The following PPP6C variants were observed in gnomAD, a reference collection of about 807,000 sequenced individuals.
PPP6C encodes the protein serine/threonine-protein phosphatase 6 catalytic subunit.
PPP6C carries 11 observed loss-of-function variants against 39.8 expected under a neutral mutation model. That is an observed-to-expected ratio of 0.28 (90% CI 0.17 to 0.46). The LOEUF is 0.46. Ranked by LOEUF, PPP6C falls within the 20% of genes least tolerant of loss-of-function variation. The pLI is 1.00. For missense variants in PPP6C, 211 were observed against 373.9 expected (o/e 0.56, Z 3.59); for synonymous variants, 129 against 130.3 (o/e 0.99, Z 0.07).
intron 2 of PPP6C, among the ~76,000 whole-genome samples, chr9:125,165,985 C>G (rs770876694): frequency 5.9e-5 from 9 of 151,832 alleles, no homozygotes; most frequent in Non-Finnish European, 1.0e-4. Context: ...TTAGTAGAGA[C>G]AGGGTTTCAC....
At chr9:125,177,330 C>T (rs537476383) in intron 1 of PPP6C, among the ~76,000 whole-genome samples, 12 of 151,870 alleles carry the variant, frequency 7.9e-5, no homozygotes, top group East Asian at 1.9e-4. Context: ...GCAGAGATGG[C>T]GCCACTGCAC....
chr9:125,170,704 G>A (rs1352794724), intron 2 of PPP6C, among the ~76,000 whole-genome samples: 1 of 152,064 alleles, frequency 6.6e-6, no homozygotes, highest in Non-Finnish European at 1.5e-5. Context: ...AACAATATAT[G>A]ACAGGAGAAC....
intron 2 of PPP6C, among the ~76,000 whole-genome samples, chr9:125,169,652 A>G (rs1034460861): frequency 3.2e-4 from 49 of 152,240 alleles, no homozygotes; most frequent in Admixed American, 3.9e-4. Flanking sequence ...GGTTTATTCC[A>G]GTTTTCAGGA....
intron 1 of PPP6C, among the ~76,000 whole-genome samples, chr9:125,184,560 G>GAA (rs552139301): frequency 1.7e-5 from 2 of 115,170 alleles, no homozygotes; most frequent in African/African-American, 3.3e-5. Context: ...CTACCTCAAA[G>GAA]AAAAAAAAAA....
intron 1 of PPP6C, among the ~76,000 whole-genome samples, chr9:125,182,334 C>T (rs1829436964): frequency 6.6e-6 from 1 of 151,988 alleles, no homozygotes; most frequent in South Asian, 2.1e-4. Context: ...ATAAAACACT[C>T]TTAGCTTTAA....
intron 6 of PPP6C, chr9:125,151,199 A>G: frequency 6.7e-7 from 1 of 1,500,318 alleles, no homozygotes; most frequent in South Asian, 1.1e-5. Flanking sequence ...GACAGGCTGA[A>G]TGTGGACTTT....
intron 2 of PPP6C, among the ~76,000 whole-genome samples, chr9:125,170,769 T>C (rs1829130596): frequency 6.6e-6 from 1 of 151,658 alleles, no homozygotes; most frequent in Non-Finnish European, 1.5e-5. Flanking sequence ...CTGTTAATCA[T>C]AGTTATTATG....
chr9:125,185,762 A>G (rs1447730184), intron 1 of PPP6C, among the ~76,000 whole-genome samples: 1 of 151,954 alleles, frequency 6.6e-6, no homozygotes, highest in East Asian at 1.9e-4. Context: ...AGGTGGGTGC[A>G]TCATCTGAGG....
chr9:125,188,689 CAG>C (rs1829585758), intron 1 of PPP6C, among the ~76,000 whole-genome samples: 1 of 151,780 alleles, frequency 6.6e-6, no homozygotes. Context: ...GAGGCTGAGG[CAG>C]GAGAATCGCT....
At chr9:125,176,160 T>C (rs1366966499) in intron 1 of PPP6C, among the ~76,000 whole-genome samples, 1 of 152,192 alleles carries the variant, frequency 6.6e-6, no homozygotes, top group South Asian at 2.1e-4. Context: ...AAAGTCCTGA[T>C]GTGAAGCATG....
chr9:125,176,301 T>G (rs761774052), intron 1 of PPP6C, among the ~76,000 whole-genome samples: 8 of 152,212 alleles, frequency 5.3e-5, no homozygotes, highest in Non-Finnish European at 8.8e-5. Context: ...CTACTGAGTG[T>G]AACGGGAAGC....
At chr9:125,172,880 T>C (rs1372398838) in intron 1 of PPP6C, among the ~76,000 whole-genome samples, 4 of 152,214 alleles carry the variant, frequency 2.6e-5, no homozygotes, top group African/African-American at 7.2e-5. Flanking sequence ...TTGTATTGGT[T>C]GTGGCATTAC....
chr9:125,189,492 G>T, intron 1 of PPP6C, 152 bp downstream of exon 1: 1 of 1,453,324 alleles, frequency 6.9e-7, no homozygotes, highest in South Asian at 1.4e-5. Flanking sequence ...CGAGACCCTC[G>T]GCGTGACGCC....
Position 125,180,307 on chromosome 9 carries a change from C to T in PPP6C, c.76-9127G>A, listed in dbSNP as rs560204197. ...CAGCATCCTACTTCTATTAATAATC[C>T]ATTAGACCTATGATACATATTTATT... On this transcript the variant is annotated intron_variant, in intron 1 of 6. Coordinates refer to ENST00000373547, the MANE Select transcript of PPP6C (RefSeq NM_002721.5). Among the ~76,000 whole-genome samples the T allele has an allele frequency of 5.9e-5, 9 of 152,266 alleles. No homozygotes were observed. In the South Asian group the frequency reaches 1.9e-3, roughly 32 times the overall value.
chr9:125,188,807 A>ATAATAATAATAATAAT, intron 1 of PPP6C: 2 of 347,550 alleles, frequency 5.8e-6, no homozygotes, highest in Non-Finnish European at 9.6e-6. Flanking sequence ...AATAATAATA[A>ATAATAATAATAATAAT]TAATAATAAT....
chr9:125,179,689 T>G (rs1829383177), intron 1 of PPP6C, among the ~76,000 whole-genome samples: 1 of 150,736 alleles, frequency 6.6e-6, no homozygotes, highest in Non-Finnish European at 1.5e-5. Context: ...AAAGTCTTGC[T>G]TTGTCGTTCA....
In PPP6C at chr9:125,146,583, A is replaced by C. The variant is rs755294697; in HGVS notation, c.*3090T>G. 20 of 152,164 alleles carry C rather than the reference A, an allele frequency of 1.3e-4. No homozygotes were observed. The highest frequency in any genetic ancestry group is 2.6e-4 in the Non-Finnish European group (18 of 68,038). 9.4% of individuals were successfully genotyped at this position (152,164 alleles called of 1,614,324 possible). A position where few individuals can be genotyped will look rare whatever the true frequency, so the allele number is the denominator to read the frequency against. On this transcript the variant is annotated 3_prime_UTR_variant, in exon 7 of 7. Transcript: ENST00000373547. ...AGTCAAGCAACCAAGTGGAGGAATAAGCATTTTTTAATTTCTTATATAAAA... is the reference window on the plus strand; with the variant it reads ...AGTCAAGCAACCAAGTGGAGGAATACGCATTTTTTAATTTCTTATATAAAA...
At chr9:125,155,664 GA>G (rs1350073307) in intron 4 of PPP6C, among the ~76,000 whole-genome samples, 6 of 152,184 alleles carry the variant, frequency 3.9e-5, no homozygotes, top group Non-Finnish European at 8.8e-5. Context: ...AGCACTTTGG[GA>G]GGCCGAGGCG....
At chr9:125,158,196 G>A (rs1292924925) in intron 4 of PPP6C, 45 bp downstream of exon 4, 2 of 1,539,170 alleles carry the variant, frequency 1.3e-6, no homozygotes, top group Admixed American at 1.8e-5. Context: ...TTTCCAAAGA[G>A]GAAAGTAAAA....
Sources: gnomAD v4.1 joint callset for allele counts (sites outside exome capture counted in the v4.1 genomes callset) on GRCh38, gnomAD v4.1.1 for gene constraint, MANE v1.5 for transcripts, NCBI Gene and HGNC (gene_info 2026-07-23, HGNC 2026-07-21) for gene names.